Variants in SLCO1A2 observed in about 807,000 individuals in gnomAD.
SLCO1A2 encodes the protein OATP-1.
SLCO1A2 carries 67 observed loss-of-function variants against 69.0 expected under a neutral mutation model. The ratio of observed to expected loss-of-function variants is 0.97; its 90% CI spans 0.80 to 1.19. The LOEUF (loss-of-function observed/expected upper bound fraction) is 1.19, where lower values mean the gene tolerates loss of function less well. SLCO1A2 is among the 50% of genes most tolerant of loss of function. The probability of loss-of-function intolerance (pLI) is 0.00; values close to 1 mark genes in which losing one functional copy is unlikely to be tolerated. For missense variants in SLCO1A2, 787 were observed against 793.7 expected (o/e 0.99, Z 0.10); for synonymous variants, 260 against 265.9 (o/e 0.98, Z 0.22).
intron 2 of SLCO1A2, among the ~76,000 whole-genome samples, chr12:21,347,609 C>T (rs2137000722): frequency 6.8e-6 from 1 of 146,402 alleles, no homozygotes; most frequent in Non-Finnish European, 1.5e-5. Flanking sequence ...CGTGCCACTG[C>T]ACTGCAGCCT....
intron 2 of SLCO1A2, among the ~76,000 whole-genome samples, chr12:21,343,803 T>A (rs1953156264): frequency 6.6e-6 from 1 of 151,952 alleles, no homozygotes; most frequent in East Asian, 1.9e-4. Flanking sequence ...AAAGGGAAAA[T>A]GTTAATAATG....
At chr12:21,288,166 G>C (rs1296050758) in intron 12 of SLCO1A2, among the ~76,000 whole-genome samples, 2 of 152,122 alleles carry the variant, frequency 1.3e-5, no homozygotes, top group African/African-American at 4.8e-5. Flanking sequence ...AACAGGCTGG[G>C]CACGATAGCT....
intron 1 of SLCO1A2, among the ~76,000 whole-genome samples, chr12:21,381,218 GTAAAC>G (rs1940568400): frequency 6.6e-6 from 1 of 151,972 alleles, no homozygotes; most frequent in Non-Finnish European, 1.5e-5. Flanking sequence ...AATAAACAGA[GTAAAC>G]AGACAACCCA....
At chr12:21,278,902 A>G (rs1179043944) in intron 12 of SLCO1A2, among the ~76,000 whole-genome samples, 1 of 152,176 alleles carries the variant, frequency 6.6e-6, no homozygotes, top group Non-Finnish European at 1.5e-5. Flanking sequence ...GTGACTTTTC[A>G]GATGGAGAAT....
intron 2 of SLCO1A2, among the ~76,000 whole-genome samples, chr12:21,356,461 G>T (rs971637051): frequency 6.6e-6 from 1 of 151,582 alleles, no homozygotes; most frequent in African/African-American, 2.4e-5. Context: ...AACAATAGAA[G>T]AACGGGCACA....
At chr12:21,331,288 G>C (rs1311327873) in intron 2 of SLCO1A2, among the ~76,000 whole-genome samples, 1 of 152,044 alleles carries the variant, frequency 6.6e-6, no homozygotes, top group Non-Finnish European at 1.5e-5. Context: ...GACAGTGAAG[G>C]GGGAAGGAGA....
At chr12:21,329,677 A>G (rs760660501) in intron 2 of SLCO1A2, among the ~76,000 whole-genome samples, 1 of 151,498 alleles carries the variant, frequency 6.6e-6, no homozygotes, top group Non-Finnish European at 1.5e-5. Flanking sequence ...GTTTCTCCTC[A>G]CTCATCTTTT....
intron 8 of SLCO1A2, among the ~76,000 whole-genome samples, chr12:21,299,820 A>T (rs1350899939): frequency 1.8e-5 from 2 of 109,802 alleles, no homozygotes; most frequent in Non-Finnish European, 3.1e-5. Flanking sequence ...ACACACACAC[A>T]TATACACACA....
At chr12:21,408,098 A>G (rs1415905894) in intron 1 of SLCO1A2, among the ~76,000 whole-genome samples, 4 of 152,208 alleles carry the variant, frequency 2.6e-5, no homozygotes, top group Non-Finnish European at 4.4e-5. Flanking sequence ...TTAAGGCACC[A>G]AACTATTTTC....
At chr12:21,328,500 C>T (rs1952403923) in intron 2 of SLCO1A2, among the ~76,000 whole-genome samples, 1 of 152,124 alleles carries the variant, frequency 6.6e-6, no homozygotes, top group African/African-American at 2.4e-5. Flanking sequence ...ATTCACCTTA[C>T]TACTTGTAGG....
At chr12:21,300,012 ATATATATGTG>A (rs543486332) in intron 8 of SLCO1A2, among the ~76,000 whole-genome samples, 2 of 149,020 alleles carry the variant, frequency 1.3e-5, no homozygotes, top group Non-Finnish European at 3.0e-5. Context: ...GTGTGTGTAC[ATATATATGTG>A]TATATATGTG....
chr12:21,360,967 T>A (rs556177603), intron 2 of SLCO1A2, among the ~76,000 whole-genome samples: 1 of 152,294 alleles, frequency 6.6e-6, no homozygotes, highest in Admixed American at 6.5e-5. Flanking sequence ...GGGCAGGGCA[T>A]AGCTGAATAA....
chr12:21,314,467 A>C lies in SLCO1A2; in HGVS notation c.335+82T>G, dbSNP rs1950619380. 3 of 1,463,936 alleles carry C rather than the reference A, an allele frequency of 2.0e-6. No individual in the cohort carries two copies. In the African/African-American group the frequency reaches 4.2e-5, roughly 20 times the overall value. The allele number at this position is 1,463,936 out of a possible 1,614,324, so 90.7% of individuals were successfully genotyped here. ...ACAGTGCCCTATGCTGTTGGAAAGC[A>C]TTGCTCCTAGAGAGGAAAGTGCAAC... On this transcript the variant is annotated intron_variant, in intron 4 of 14. Coordinates refer to ENST00000683939, the MANE Select transcript of SLCO1A2 (RefSeq NM_001386879.1).
rs1555134252 is a variant in SLCO1A2, at chr12:21,416,356, G to GCGCA, written c.-312+1525_-312+1526insTGCG. 2.7e-5 allele frequency among the ~76,000 whole-genome samples: 4 copies of GCGCA among 146,886 alleles called. No individual in the cohort carries two copies. In the East Asian group the frequency reaches 8.0e-4, roughly 29 times the overall value. On this transcript the variant is annotated intron_variant, in intron 1 of 4. Coordinates refer to the SLCO1A2 transcript ENST00000413682. The stretch of plus-strand genomic sequence containing the variant: ...ATGAAGATTCACTATAGAATCTCGG[G>GCGCA]CACACACACACACACACACACACAC...
chr12:21,271,856 T>TTGTACATATGCAAATA (rs1942927703), intron 14 of SLCO1A2, among the ~76,000 whole-genome samples: 3 of 148,816 alleles, frequency 2.0e-5, no homozygotes. Context: ...ATACATATAT[T>TTGTACATATGCAAATA]TGTACATATG....
chr12:21,365,102 C>T (rs979244598), intron 2 of SLCO1A2, among the ~76,000 whole-genome samples: 39 of 152,080 alleles, frequency 2.6e-4, no homozygotes, highest in African/African-American at 9.4e-4. Flanking sequence ...GATCCTAAGC[C>T]AAAAGAACAA....
chr12:21,373,186 A>G (rs1311204096), intron 2 of SLCO1A2: 23 of 623,562 alleles, frequency 3.7e-5, no homozygotes, highest in Admixed American at 2.3e-4. Flanking sequence ...AAAAGTGGAC[A>G]ATATTAAGGG....
At chr12:21,398,486 A>G (rs1941561525), upstream of SLCO1A2, among the ~76,000 whole-genome samples, 1 of 149,152 alleles carries the variant, frequency 6.7e-6, no homozygotes, top group Admixed American at 6.7e-5. Flanking sequence ...AACTATTCCA[A>G]TCAATAGAAA....
intron 1 of SLCO1A2, among the ~76,000 whole-genome samples, chr12:21,412,295 C>T (rs984807504): frequency 4.0e-5 from 6 of 151,798 alleles, no homozygotes; most frequent in Admixed American, 1.3e-4. Flanking sequence ...GTGGGAGAAT[C>T]GCTTGAACCT....
Sources: gnomAD v4.1 joint callset for allele counts (sites outside exome capture counted in the v4.1 genomes callset) on GRCh38, gnomAD v4.1.1 for gene constraint, MANE v1.5 for transcripts, NCBI Gene and HGNC (gene_info 2026-07-23, HGNC 2026-07-21) for gene names.